The following ST6GALNAC3 variants were observed in gnomAD, a reference collection of about 807,000 sequenced individuals.
The protein encoded by ST6GALNAC3 is alpha-N-acetylgalactosaminide alpha-2,6-sialyltransferase 3.
In ST6GALNAC3, 25 loss-of-function variants were observed where a neutral mutation model predicts 32.7. That is an observed-to-expected ratio of 0.76 (90% CI 0.56 to 1.07). The LOEUF (loss-of-function observed/expected upper bound fraction) is 1.07, where lower values mean the gene tolerates loss of function less well. ST6GALNAC3 is among the 50% of genes least tolerant of loss of function. The probability of loss-of-function intolerance (pLI) is 0.00; values close to 1 mark genes in which losing one functional copy is unlikely to be tolerated. For missense variants in ST6GALNAC3, 355 were observed against 382.4 expected, an observed-to-expected ratio of 0.93 and a Z score of 0.60; for synonymous variants, 129 against 133.1, an observed-to-expected ratio of 0.97 and a Z score of 0.21.
intron 2 of ST6GALNAC3, among the ~76,000 whole-genome samples, chr1:76,388,207 G>C (rs949843617): frequency 5.3e-5 from 8 of 152,156 alleles, no homozygotes; most frequent in Non-Finnish European, 1.0e-4. Flanking sequence ...AAGAAGGAAG[G>C]GGGTGAGAAA....
At chr1:76,170,910 A>C (rs1652448275) in intron 1 of ST6GALNAC3, among the ~76,000 whole-genome samples, 1 of 152,230 alleles carries the variant, frequency 6.6e-6, no homozygotes, top group African/African-American at 2.4e-5. Flanking sequence ...ATTTTCCAAG[A>C]AAAATTTACA....
Position 76,450,875 on chromosome 1 carries a change from T to C in ST6GALNAC3, c.623+38458T>C, listed in dbSNP as rs554187224. ...AGTTGGATGTAAGTATTTGGCTTTA[T>C]TTCTGGGTTCTACATTCTGTCCATT... On this transcript the variant is annotated intron_variant, in intron 3 of 4. Transcript: ENST00000328299. Among the ~76,000 whole-genome samples the C allele has an allele frequency of 9.2e-5, 14 of 152,348 alleles. No individual in the cohort carries two copies. The South Asian group carries it at 2.9e-3, about 32-fold the overall frequency.
Position 76,597,072 on chromosome 1 carries a change from A to G in ST6GALNAC3, c.624-30380A>G, listed in dbSNP as rs1431171791. On this transcript the variant is annotated intron_variant, in intron 3 of 4. Coordinates refer to ENST00000328299, the MANE Select transcript of ST6GALNAC3 (RefSeq NM_152996.4). ...GTTTAGTCTGAGTCTAAAAGCATAA[A>G]CCAGAGGGGATGCCAGGCATCTTTC... 2.0e-5 allele frequency among the ~76,000 whole-genome samples: 3 copies of G among 152,154 alleles called. No homozygotes were observed. In the East Asian group the frequency reaches 5.8e-4, roughly 29 times the overall value.
intron 1 of ST6GALNAC3, among the ~76,000 whole-genome samples, chr1:76,162,515 A>G (rs180825404): frequency 2.6e-5 from 4 of 152,328 alleles, no homozygotes; most frequent in Admixed American, 2.6e-4. Context: ...TTTAAGCCCC[A>G]GTTTCTTCAC....
intron 1 of ST6GALNAC3, among the ~76,000 whole-genome samples, chr1:76,085,167 A>G (rs1287342234): frequency 6.6e-6 from 1 of 152,238 alleles, no homozygotes; most frequent in Non-Finnish European, 1.5e-5. Context: ...TTTTTCACCC[A>G]TAAATAAAGT....
intron 3 of ST6GALNAC3, among the ~76,000 whole-genome samples, chr1:76,602,591 T>A (rs957205351): frequency 4.6e-5 from 7 of 152,034 alleles, no homozygotes; most frequent in African/African-American, 1.7e-4. Flanking sequence ...TAAAAAAAAA[T>A]CTTAAATTTG....
At chr1:76,190,731 G>T (rs534009069) in intron 1 of ST6GALNAC3, among the ~76,000 whole-genome samples, 82 of 152,258 alleles carry the variant, frequency 5.4e-4, no homozygotes, top group Middle Eastern at 6.8e-3. Flanking sequence ...AAGCTTTTTA[G>T]CCATCCAGGC....
chr1:76,616,399 G>T (rs1285946162), intron 3 of ST6GALNAC3, among the ~76,000 whole-genome samples: 1 of 152,140 alleles, frequency 6.6e-6, no homozygotes, highest in African/African-American at 2.4e-5. Context: ...TATTTAGTAG[G>T]TGAGACTCCA....
At chr1:76,589,272 C>T (rs1321350320) in intron 3 of ST6GALNAC3, among the ~76,000 whole-genome samples, 1 of 152,154 alleles carries the variant, frequency 6.6e-6, no homozygotes, top group Non-Finnish European at 1.5e-5. Context: ...AACTATTTCA[C>T]ATGACAAGTA....
intron 1 of ST6GALNAC3, chr1:76,142,760 C>A (rs922145701): frequency 2.3e-6 from 1 of 427,520 alleles, no homozygotes; most frequent in Non-Finnish European, 4.6e-6. Flanking sequence ...CTGTGGTTAT[C>A]TGGAGAATGC....
intron 3 of ST6GALNAC3, among the ~76,000 whole-genome samples, chr1:76,533,905 CTATTA>C (rs1161887318): frequency 2.0e-5 from 3 of 152,234 alleles, no homozygotes; most frequent in South Asian, 2.1e-4. Context: ...GGCAGGCATT[CTATTA>C]TATTTTATAT....
chr1:76,432,387 T>C (rs1240774690), intron 3 of ST6GALNAC3, among the ~76,000 whole-genome samples: 1 of 152,048 alleles, frequency 6.6e-6, no homozygotes, highest in Non-Finnish European at 1.5e-5. Flanking sequence ...AAAAATGTTT[T>C]ATGTTATACG....
chr1:76,470,200 C>G (rs1024529288), intron 3 of ST6GALNAC3, among the ~76,000 whole-genome samples: 1 of 151,846 alleles, frequency 6.6e-6, no homozygotes, highest in African/African-American at 2.4e-5. Context: ...GGTTCGGCAA[C>G]AGAATAATCA....
intron 3 of ST6GALNAC3, among the ~76,000 whole-genome samples, chr1:76,437,387 C>A (rs562709868): frequency 2.4e-4 from 36 of 152,128 alleles, no homozygotes; most frequent in African/African-American, 7.7e-4. Flanking sequence ...CATTGCCTCT[C>A]AGCAGCCCTG....
At chr1:76,550,529 T>C (rs981549007) in intron 3 of ST6GALNAC3, among the ~76,000 whole-genome samples, 4 of 152,148 alleles carry the variant, frequency 2.6e-5, no homozygotes, top group African/African-American at 9.7e-5. Context: ...GTACTACTCC[T>C]TGATTATTCC....
At chr1:76,379,966 G>T (rs1156579152) in intron 2 of ST6GALNAC3, among the ~76,000 whole-genome samples, 1 of 152,124 alleles carries the variant, frequency 6.6e-6, no homozygotes, top group South Asian at 2.1e-4. Context: ...TGGCCTAATT[G>T]GTTCCGACAA....
intron 1 of ST6GALNAC3, among the ~76,000 whole-genome samples, chr1:76,206,783 T>G (rs1414533153): frequency 6.6e-6 from 1 of 152,130 alleles, no homozygotes; most frequent in Non-Finnish European, 1.5e-5. Context: ...GTGATTGTTA[T>G]AAACAATGAT....
intron 3 of ST6GALNAC3, among the ~76,000 whole-genome samples, chr1:76,483,249 A>G (rs1659858864): frequency 6.6e-6 from 1 of 152,142 alleles, no homozygotes; most frequent in Admixed American, 6.6e-5. Context: ...CAGTAATGGG[A>G]TGGCTGGGTC....
rs1237272944 is a variant in ST6GALNAC3 at position 76,112,626 on chromosome 1, C to T, written c.18+37742C>T. 8.7e-5 allele frequency among the ~76,000 whole-genome samples: 13 copies of T among 149,594 alleles called. No individual in the cohort carries two copies. The South Asian group carries it at 1.3e-3, about 15-fold the overall frequency. ...GGGGCTCCTCACTTCTCAGACGGGG[C>T]GGTTGCTGGGCGGAGGGGCTCCTCA... On this transcript the variant is annotated intron_variant, in intron 1 of 4. Coordinates refer to ENST00000328299, the MANE Select transcript of ST6GALNAC3 (RefSeq NM_152996.4).
Sources: gnomAD v4.1 joint callset for allele counts (sites outside exome capture counted in the v4.1 genomes callset) on GRCh38, gnomAD v4.1.1 for gene constraint, MANE v1.5 for transcripts, NCBI Gene and HGNC (gene_info 2026-07-23, HGNC 2026-07-21) for gene names.